TMCO6: variants seen among roughly 807,000 people sequenced by gnomAD.
TMCO6 encodes transmembrane and coiled-coil domains 6, also known as transmembrane and coiled-coil domain-containing protein 6.
In TMCO6, 47 loss-of-function variants were observed where a neutral mutation model predicts 61.8. That is an observed-to-expected ratio of 0.76 (90% confidence interval 0.60 to 0.97). The LOEUF (loss-of-function observed/expected upper bound fraction) is 0.97, where lower values mean the gene tolerates loss of function less well. Ranked by LOEUF, TMCO6 falls within the 50% of genes least tolerant of loss-of-function variation. TMCO6 has a pLI of 0.00. For synonymous variants in TMCO6, 261 were observed against 254.2 expected (o/e 1.03, Z -0.25); for missense variants, 557 against 601.6 (o/e 0.93, Z 0.78).
chr5:140,644,335 G>A (rs1581469732), intron 10 of TMCO6, 141 bp downstream of exon 10: 11 of 1,018,544 alleles, frequency 1.1e-5, no homozygotes, highest in African/African-American at 6.3e-5. Context: ...CTAGGTGTGT[G>A]TCCCTTAAAC....
chr5:140,639,114 G>A, upstream of TMCO6: 1 of 185,548 alleles, frequency 5.4e-6, no homozygotes, highest in South Asian at 8.1e-5. Context: ...ATAGTGAAAC[G>A]GCATCATGGC....
chr5:140,607,864 A>C, the TMCO6 span, among the ~76,000 whole-genome samples: 5 of 148,104 alleles, frequency 3.4e-5, no homozygotes, highest in Non-Finnish European at 7.4e-5. Context: ...ATCTCGGTTC[A>C]CTGCAACCTC....
At chr5:140,621,370 C>T in the TMCO6 span, among the ~76,000 whole-genome samples, 1 of 152,172 alleles carries the variant, frequency 6.6e-6, no homozygotes, top group Non-Finnish European at 1.5e-5. Flanking sequence ...TTTCTTATGC[C>T]TGTCTTTACT....
At chr5:140,617,954 T>C in the TMCO6 span, among the ~76,000 whole-genome samples, 2 of 152,130 alleles carry the variant, frequency 1.3e-5, no homozygotes, top group Admixed American at 6.5e-5. Context: ...AGGCTCAGAA[T>C]AGCCAACATA....
chr5:140,617,993 G>T, the TMCO6 span, among the ~76,000 whole-genome samples: 1 of 152,146 alleles, frequency 6.6e-6, no homozygotes, highest in Non-Finnish European at 1.5e-5. Flanking sequence ...AAAGTTGGAG[G>T]ACTGACACTA....
the TMCO6 span, chr5:140,632,798 G>A: frequency 3.1e-6 from 5 of 1,613,498 alleles, no homozygotes; most frequent in Non-Finnish European, 2.5e-6. This position sits in a 1 kb window ranked among gnomAD's most constrained non-coding sequence, Gnocchi z 6.2. Context: ...GGTTGAGACC[G>A]CCGGCATGGA....
the TMCO6 span, among the ~76,000 whole-genome samples, chr5:140,611,480 G>T: frequency 2.0e-5 from 3 of 152,168 alleles, no homozygotes; most frequent in Non-Finnish European, 4.4e-5. Context: ...GTGTTTTACT[G>T]TCTGCGCTTT....
At chr5:140,607,663 C>T in the TMCO6 span, among the ~76,000 whole-genome samples, 10 of 152,078 alleles carry the variant, frequency 6.6e-5, no homozygotes, top group East Asian at 3.8e-4. Flanking sequence ...ACATTCCCAC[C>T]GAAAATTTAT....
Position 140,642,665 on chromosome 5 carries a change from T to C in TMCO6, c.683T>C (p.Ile228Thr), listed in dbSNP as rs1387200939. 3.1e-6 allele frequency: 5 copies of C among 1,614,048 alleles called. No homozygotes were observed. Among genetic ancestry groups the C allele is most frequent in the Non-Finnish European group, 4.2e-6 (5 of 1,180,046 alleles). Residue 228 changes from isoleucine to threonine, a missense_variant, in exon 6 of 12, where the codon ATC (isoleucine) becomes ACC (threonine). Physicochemically the swap from Ile to Thr is moderately conservative, Grantham distance 89. Coordinates refer to ENST00000394671, the MANE Select transcript of TMCO6 (RefSeq NM_018502.5). ...LLQAEEAPEKIIPSILASTLP... is the reference protein window; with the variant it reads ...LLQAEEAPEKTIPSILASTLP... ...CAGGCTGAGGAAGCTCCAGAGAAGA[T>C]CATTCCGTGAGTAAAATTGTCTTTA...
At chr5:140,629,523 T>G in the TMCO6 span, among the ~76,000 whole-genome samples, 3 of 152,196 alleles carry the variant, frequency 2.0e-5, no homozygotes, top group African/African-American at 4.8e-5. Flanking sequence ...ATATGAAACA[T>G]AAATGAATTT....
rs1561942707 is a variant in TMCO6, at chr5:140,639,557, G to A, written c.30G>A (p.Arg10=). ...GGAGCCGACGGCAGGGCCGCCTCAG[G>A]CCCACGGTCTGCGGGGTGGAGGAGC... The part of the protein sequence containing the change: MWSRRQGRL[R]PTVCGVEELR... Residue 10 remains arginine, a synonymous_variant, in exon 1 of 12, where the codon AGG becomes AGA. Coordinates refer to ENST00000394671, the MANE Select transcript of TMCO6 (RefSeq NM_018502.5). 22 of 1,549,478 alleles carry A rather than the reference G, an allele frequency of 1.4e-5. No individual in the cohort carries two copies. Among genetic ancestry groups the A allele is most frequent in the Non-Finnish European group, 1.8e-5 (21 of 1,146,354 alleles).
the TMCO6 span, among the ~76,000 whole-genome samples, chr5:140,596,573 C>G: frequency 6.6e-6 from 1 of 152,188 alleles, no homozygotes; most frequent in Non-Finnish European, 1.5e-5. Flanking sequence ...CCAGTTCTCT[C>G]TTTTTTGCTT....
In TMCO6 at chr5:140,643,821, T is replaced by C. The variant is rs1757204588; in HGVS notation, c.960T>C (p.Thr320=). ...PVLRCLSNLL[T]EAAVETVGGQ... Reference sequence around the variant, plus strand: ...TTCGATGTCTAAGCAACCTGCTAACTGAGGCAGCAGTGGAGACTGTGGGAG... The same window carrying C: ...TTCGATGTCTAAGCAACCTGCTAACCGAGGCAGCAGTGGAGACTGTGGGAG... The change falls in exon 9 of 12, where the codon ACT becomes ACC. Residue 320 remains threonine, a synonymous_variant. Transcript: ENST00000394671. The C allele has an allele frequency of 6.2e-7, 1 of 1,614,120 alleles. No individual in the cohort carries two copies. The highest frequency in any genetic ancestry group is 1.1e-5 in the South Asian group (1 of 91,090).
At chr5:140,630,379 G>A in the TMCO6 span, among the ~76,000 whole-genome samples, 18 of 152,094 alleles carry the variant, frequency 1.2e-4, no homozygotes, top group Admixed American at 9.2e-4. Flanking sequence ...TCAGGCTACC[G>A]TAATAAAATA....
intron 10 of TMCO6, 43 bp from the exon 11 acceptor site, chr5:140,644,530 T>C: frequency 1.9e-6 from 3 of 1,601,286 alleles, no homozygotes; most frequent in Non-Finnish European, 2.6e-6. Context: ...GTTATGATCT[T>C]TGTGTTTCAT....
chr5:140,607,015 AATG>A, the TMCO6 span, among the ~76,000 whole-genome samples: 67 of 137,264 alleles, frequency 4.9e-4, 6 homozygotes, highest in Admixed American at 5.0e-4. Context: ...TAATAATAAT[AATG>A]GAAAAAACCT....
At chr5:140,611,082 A>T in the TMCO6 span, among the ~76,000 whole-genome samples, 1 of 152,220 alleles carries the variant, frequency 6.6e-6, no homozygotes. Flanking sequence ...CTCAACAAAG[A>T]CAGGTTTATT....
chr5:140,621,095 A>G, the TMCO6 span, among the ~76,000 whole-genome samples: 1 of 152,190 alleles, frequency 6.6e-6, no homozygotes, highest in Admixed American at 6.6e-5. Context: ...ATATATGCCC[A>G]AAAGACCTAT....
the TMCO6 span, among the ~76,000 whole-genome samples, chr5:140,609,647 C>CAAA: frequency 2.3e-4 from 32 of 142,112 alleles, no homozygotes; most frequent in East Asian, 4.1e-4. Flanking sequence ...TCATACACAC[C>CAAA]AAAAAAAAAA....
Sources: allele counts gnomAD v4.1 joint callset (sites outside exome capture counted in the v4.1 genomes callset), GRCh38; gene constraint gnomAD v4.1.1; non-coding constraint Gnocchi (gnomAD v3.1); transcripts MANE v1.5; gene names NCBI Gene and HGNC (gene_info 2026-07-23, HGNC 2026-07-21).